The following GALNT13 variants were observed in gnomAD, a reference collection of about 807,000 sequenced individuals.
GALNT13 encodes polypeptide N-acetylgalactosaminyltransferase 13.
GALNT13 carries 28 observed loss-of-function variants against 64.2 expected under a neutral mutation model. The ratio of observed to expected loss-of-function variants is 0.44; its 90% CI spans 0.32 to 0.60. GALNT13 has a LOEUF of 0.60. Ranked by LOEUF, GALNT13 falls within the 20% of genes least tolerant of loss-of-function variation. The pLI is 0.05. For missense variants in GALNT13, 577 were observed against 669.8 expected, an observed-to-expected ratio of 0.86 and a Z score of 1.53; for synonymous variants, 214 against 224.6, an observed-to-expected ratio of 0.95 and a Z score of 0.42.
At chr2:153,479,665 T>C in the GALNT13 span, among the ~76,000 whole-genome samples, 1 of 152,156 alleles carries the variant, frequency 6.6e-6, no homozygotes, top group African/African-American at 2.4e-5. Context: ...TTGAAGGGAA[T>C]TGCTCATCAA....
intron 3 of GALNT13, among the ~76,000 whole-genome samples, chr2:153,972,745 C>G (rs1457513931): frequency 6.6e-6 from 1 of 151,936 alleles, no homozygotes; most frequent in Non-Finnish European, 1.5e-5. Flanking sequence ...CCTCACCTAA[C>G]ATAGAGTTAT....
chr2:154,272,861 G>T (rs1034489747), intron 8 of GALNT13, among the ~76,000 whole-genome samples: 1 of 151,906 alleles, frequency 6.6e-6, no homozygotes, highest in African/African-American at 2.4e-5. Flanking sequence ...TTTTTCTTAC[G>T]TGGAAAGGGA....
At chr2:153,435,901 G>C in the GALNT13 span, among the ~76,000 whole-genome samples, 29 of 152,136 alleles carry the variant, frequency 1.9e-4, no homozygotes, top group South Asian at 4.6e-3. Flanking sequence ...TCCCTGTCTT[G>C]TGCCAGTTTT....
the GALNT13 span, among the ~76,000 whole-genome samples, chr2:153,162,888 C>T: frequency 6.6e-6 from 1 of 152,094 alleles, no homozygotes; most frequent in Non-Finnish European, 1.5e-5. Context: ...GCTGAGGTGA[C>T]ATCAACCCAC....
At chr2:153,384,599 G>C in the GALNT13 span, among the ~76,000 whole-genome samples, 1 of 151,930 alleles carries the variant, frequency 6.6e-6, no homozygotes, top group Admixed American at 6.6e-5. Flanking sequence ...AATTTTTAAA[G>C]GCAAGATGGA....
the GALNT13 span, among the ~76,000 whole-genome samples, chr2:153,093,081 A>G: frequency 2.6e-5 from 4 of 151,972 alleles, no homozygotes; most frequent in East Asian, 7.7e-4. Flanking sequence ...GAATTTTATC[A>G]AATGCTTTTT....
At chr2:154,185,070 G>C (rs1686177666) in intron 4 of GALNT13, among the ~76,000 whole-genome samples, 1 of 151,964 alleles carries the variant, frequency 6.6e-6, no homozygotes, top group South Asian at 2.1e-4. Flanking sequence ...CTTAGATTTT[G>C]TTTGTTGAAG....
the GALNT13 span, among the ~76,000 whole-genome samples, chr2:153,817,865 G>A: frequency 5.3e-5 from 8 of 152,072 alleles, no homozygotes; most frequent in Admixed American, 3.3e-4. Flanking sequence ...AACCATAAAT[G>A]GTATATTATT....
chr2:153,555,785 C>T, the GALNT13 span, among the ~76,000 whole-genome samples: 4 of 151,976 alleles, frequency 2.6e-5, no homozygotes, highest in Admixed American at 1.3e-4. Flanking sequence ...TTGTAAGATC[C>T]GATCTTTTTA....
At chr2:154,139,621 A>AACACAT (rs1683144967) in intron 3 of GALNT13, among the ~76,000 whole-genome samples, 1 of 147,444 alleles carries the variant, frequency 6.8e-6, no homozygotes, top group African/African-American at 2.5e-5. Flanking sequence ...ATGTGTAGGC[A>AACACAT]ACACACACAC....
the GALNT13 span, among the ~76,000 whole-genome samples, chr2:153,316,130 AG>A: frequency 6.6e-6 from 1 of 152,074 alleles, no homozygotes; most frequent in African/African-American, 2.4e-5. Flanking sequence ...AAAAGAAGAA[AG>A]AAAAAAGAAA....
chr2:153,373,133 T>TGTGTGTGTGA, the GALNT13 span, among the ~76,000 whole-genome samples: 1 of 28,356 alleles, frequency 3.5e-5, no homozygotes, highest in Non-Finnish European at 8.3e-5. Flanking sequence ...TCTGTTGCTT[T>TGTGTGTGTGA]GTGTGTGTGT....
chr2:153,256,424 A>C, the GALNT13 span, among the ~76,000 whole-genome samples: 1 of 152,164 alleles, frequency 6.6e-6, no homozygotes, highest in Non-Finnish European at 1.5e-5. Flanking sequence ...GTTCTCCCGT[A>C]GCTCGGAGTA....
At chr2:154,236,456 A>G (rs564608016) in intron 4 of GALNT13, among the ~76,000 whole-genome samples, 5 of 152,182 alleles carry the variant, frequency 3.3e-5, no homozygotes, top group African/African-American at 1.2e-4. Context: ...AGCTCATGAG[A>G]TAATTCCAAT....
chr2:153,722,631 G>C, the GALNT13 span, among the ~76,000 whole-genome samples: 1 of 151,960 alleles, frequency 6.6e-6, no homozygotes, highest in Non-Finnish European at 1.5e-5. Flanking sequence ...TATCACCACC[G>C]ATCCCACAGA....
the GALNT13 span, among the ~76,000 whole-genome samples, chr2:153,252,222 T>TA: frequency 1.4e-5 from 2 of 145,380 alleles, no homozygotes; most frequent in Admixed American, 6.9e-5. Context: ...TGATGACCAG[T>TA]GATGGTGAGC....
At chr2:154,225,247 T>A (rs1688556344) in intron 4 of GALNT13, among the ~76,000 whole-genome samples, 1 of 152,028 alleles carries the variant, frequency 6.6e-6, no homozygotes, top group South Asian at 2.1e-4. Context: ...TTCAAAGATG[T>A]TTGACTTCAT....
At chr2:153,371,351 T>C in the GALNT13 span, among the ~76,000 whole-genome samples, 3 of 152,098 alleles carry the variant, frequency 2.0e-5, no homozygotes, top group Non-Finnish European at 4.4e-5. Flanking sequence ...TTAGGAAAGG[T>C]AATAAAAAGG....
At chr2:153,361,111 A>G in the GALNT13 span, among the ~76,000 whole-genome samples, 186 of 152,234 alleles carry the variant, frequency 1.2e-3, 3 homozygotes, top group East Asian at 0.035. Flanking sequence ...GTGAACCCCC[A>G]GCAAACCACA....
Sources: gnomAD v4.1 joint callset for allele counts (sites outside exome capture counted in the v4.1 genomes callset) on GRCh38, gnomAD v4.1.1 for gene constraint, MANE v1.5 for transcripts, NCBI Gene and HGNC (gene_info 2026-07-23, HGNC 2026-07-21) for gene names.